The following ROBO1 variants were observed in gnomAD, a reference collection of about 807,000 sequenced individuals.
ROBO1 encodes roundabout homolog 1.
ROBO1 carries 149 observed loss-of-function variants against 195.9 expected under a neutral mutation model. That is an observed-to-expected ratio of 0.76 (90% confidence interval 0.67 to 0.87). The LOEUF is 0.87. Ranked by LOEUF, ROBO1 falls within the 40% of genes least tolerant of loss-of-function variation. The pLI, the probability that ROBO1 is intolerant of heterozygous loss-of-function variation, is 0.00. For missense variants in ROBO1, 1,933 were observed against 2,068.3 expected (o/e 0.93, Z 1.27); for synonymous variants, 816 against 733.2 (o/e 1.11, Z -1.82).
chr3:78,631,156 C>G lies in ROBO1; in HGVS notation c.3626+5G>C, dbSNP rs1672688904. 4 of 1,608,732 alleles carry G rather than the reference C, an allele frequency of 2.5e-6. No individual in the cohort carries two copies. The highest frequency in any genetic ancestry group is 2.5e-6 in the Non-Finnish European group (3 of 1,177,252). On this transcript the variant is annotated splice_donor_5th_base_variant and intron_variant, in intron 25 of 30. Transcript: ENST00000464233. ...TGTTTACATCTGTTTGGATGCTCCTCTTACCTTTCATCTACAGAAATGTTG... is the reference window on the plus strand; with the variant it reads ...TGTTTACATCTGTTTGGATGCTCCTGTTACCTTTCATCTACAGAAATGTTG...
At chr3:78,741,189 C>T (rs1229790618) in intron 5 of ROBO1, among the ~76,000 whole-genome samples, 2 of 152,110 alleles carry the variant, frequency 1.3e-5, no homozygotes, top group Non-Finnish European at 2.9e-5. Flanking sequence ...AAGCCATCCT[C>T]CATAAGAGAT....
chr3:78,929,497 T>C lies in ROBO1; in HGVS notation c.499+9104A>G, dbSNP rs561361928. Among the ~76,000 whole-genome samples, 617 of 151,182 alleles carry C rather than the reference T, an allele frequency of 4.1e-3. 1 individual carries two copies. The highest frequency in any genetic ancestry group is 0.014 in the African/African-American group (571 of 41,230). On this transcript the variant is annotated intron_variant, in intron 4 of 30. Coordinates refer to ENST00000464233, the MANE Select transcript of ROBO1 (RefSeq NM_002941.4). Reference sequence around the variant, plus strand: ...CCAGTATCATTTATTTATTTATTTATTTATTTATTTATTTATTTATTTAGA... The same window carrying C: ...CCAGTATCATTTATTTATTTATTTACTTATTTATTTATTTATTTATTTAGA...
chr3:79,455,181 G>C (rs1217119177), intron 2 of ROBO1, among the ~76,000 whole-genome samples: 1 of 151,866 alleles, frequency 6.6e-6, no homozygotes, highest in Non-Finnish European at 1.5e-5. Context: ...AGAAAGAGCA[G>C]TGTTGCTCTT....
chr3:79,034,341 G>A (rs577680922), intron 3 of ROBO1, among the ~76,000 whole-genome samples: 16 of 152,170 alleles, frequency 1.1e-4, no homozygotes, highest in East Asian at 1.9e-4. Context: ...GATGAAAAAC[G>A]TCTCCACATT....
At chr3:79,168,186 C>A (rs940445964) in intron 2 of ROBO1, among the ~76,000 whole-genome samples, 1 of 152,028 alleles carries the variant, frequency 6.6e-6, no homozygotes, top group Non-Finnish European at 1.5e-5. Context: ...TGGCTAATTG[C>A]GTATTCGGAG....
chr3:78,707,639 G>C (rs2081585210), intron 8 of ROBO1, among the ~76,000 whole-genome samples: 1 of 152,168 alleles, frequency 6.6e-6, no homozygotes, highest in Non-Finnish European at 1.5e-5. Flanking sequence ...TGAGAGAAGA[G>C]CTGGGATTTC....
chr3:79,389,562 G>T (rs1465459292), intron 2 of ROBO1, among the ~76,000 whole-genome samples: 1 of 152,040 alleles, frequency 6.6e-6, no homozygotes, highest in African/African-American at 2.4e-5. Flanking sequence ...GATTCAAAAA[G>T]AGAACAAAAC....
At chr3:79,332,142 CAAAAAAAGAAAAAAAAA>C (rs2034468093) in intron 2 of ROBO1, among the ~76,000 whole-genome samples, 1 of 47,174 alleles carries the variant, frequency 2.1e-5, no homozygotes, top group Non-Finnish European at 3.5e-5. Context: ...GACTCCGTCT[CAAAAAAAGAAAAAAAAA>C]AAAAAAAGAA....
chr3:79,018,751 G>A (rs2078021982), intron 3 of ROBO1: 3 of 1,173,690 alleles, frequency 2.6e-6, no homozygotes, highest in Non-Finnish European at 3.2e-6. Flanking sequence ...AAAGAGCCGA[G>A]GCAGAAGCGC....
chr3:78,850,427 T>C (rs946398829), intron 4 of ROBO1, among the ~76,000 whole-genome samples: 1 of 152,152 alleles, frequency 6.6e-6, no homozygotes, highest in Non-Finnish European at 1.5e-5. Context: ...AACAAAGGGA[T>C]AAAGCAGTCA....
rs1575770791 is a variant in ROBO1 at position 78,610,867 on chromosome 3, T to C, written c.4435+3781A>G. 2.0e-5 allele frequency among the ~76,000 whole-genome samples: 3 copies of C among 152,262 alleles called. No individual in the cohort carries two copies. The South Asian group carries it at 6.2e-4, about 32-fold the overall frequency. ...ACAGATTGCCAAATAAATTCTTTCTTAGGTATTACAAAATATCACCAAGCA... is the reference window on the plus strand; with the variant it reads ...ACAGATTGCCAAATAAATTCTTTCTCAGGTATTACAAAATATCACCAAGCA... On this transcript the variant is annotated intron_variant, in intron 28 of 30. Transcript: ENST00000464233.
chr3:79,272,494 T>C (rs2030656518), intron 2 of ROBO1, among the ~76,000 whole-genome samples: 1 of 152,120 alleles, frequency 6.6e-6, no homozygotes. Context: ...AACATCATAT[T>C]AAGGAAAGAG....
intron 4 of ROBO1, among the ~76,000 whole-genome samples, chr3:78,773,519 A>C (rs962692319): frequency 1.3e-5 from 2 of 152,200 alleles, no homozygotes; most frequent in Admixed American, 6.5e-5. Context: ...ACCATAAGTC[A>C]TCTAAGATTT....
intron 3 of ROBO1, among the ~76,000 whole-genome samples, chr3:79,008,888 CGTGTGTGTGTGTGTGTGTGT>C (rs375134341): frequency 8.2e-6 from 1 of 121,230 alleles, no homozygotes; most frequent in Non-Finnish European, 1.7e-5. Flanking sequence ...TGCACCCAGC[CGTGTGTGTGTGTGTGTGTGT>C]GTGTGTGTGT....
At chr3:79,094,821 T>C (rs900376539) in intron 3 of ROBO1, among the ~76,000 whole-genome samples, 10 of 151,838 alleles carry the variant, frequency 6.6e-5, no homozygotes, top group Non-Finnish European at 1.3e-4. Flanking sequence ...AAGTTACTCT[T>C]TTTGAAATGA....
chr3:79,361,486 G>A (rs938035436), intron 2 of ROBO1, among the ~76,000 whole-genome samples: 4 of 151,972 alleles, frequency 2.6e-5, no homozygotes. Context: ...TTAAGCTCAC[G>A]ATTTAATACC....
chr3:79,636,798 T>C (rs1323998207), intron 1 of ROBO1, among the ~76,000 whole-genome samples: 2 of 152,198 alleles, frequency 1.3e-5, no homozygotes, highest in Non-Finnish European at 2.9e-5. Flanking sequence ...GGGATACTAC[T>C]GAAATGACTT....
chr3:79,116,025 A>G (rs777121794), intron 3 of ROBO1, among the ~76,000 whole-genome samples: 19 of 152,238 alleles, frequency 1.2e-4, no homozygotes, highest in Non-Finnish European at 2.5e-4. Flanking sequence ...TTCTTTCCTT[A>G]AGGAAGTAGT....
At chr3:79,170,900 A>G (rs1051007867) in intron 2 of ROBO1, among the ~76,000 whole-genome samples, 3 of 152,050 alleles carry the variant, frequency 2.0e-5, no homozygotes, top group Admixed American at 2.0e-4. Context: ...TTTTTAACAG[A>G]GTAATTTACT....
Sources: allele counts gnomAD v4.1 joint callset (sites outside exome capture counted in the v4.1 genomes callset), GRCh38; gene constraint gnomAD v4.1.1; transcripts MANE v1.5; gene names NCBI Gene and HGNC (gene_info 2026-07-23, HGNC 2026-07-21).